The following ATAD3C variants were observed in gnomAD, a reference collection of about 807,000 sequenced individuals.
ATAD3C encodes ATPase family AAA domain containing 3C.
Under a neutral mutation model 46.3 loss-of-function variants are expected in ATAD3C, and 38 were observed. The observed-to-expected ratio is 0.82, with a 90% CI of 0.63 to 1.08. ATAD3C has a LOEUF of 1.08. ATAD3C is among the 50% of genes least tolerant of loss of function. ATAD3C has a pLI of 0.00. For synonymous variants in ATAD3C, 220 were observed against 236.4 expected (o/e 0.93, Z 0.63); for missense variants, 563 against 572.7 (o/e 0.98, Z 0.17).
rs1181536985 is a variant in ATAD3C, at chr1:1,462,028, T to G, written c.981-572T>G. Among the ~76,000 whole-genome samples, 3 of 151,974 alleles carry G rather than the reference T, an allele frequency of 2.0e-5. No homozygotes were observed. The East Asian group carries it at 5.8e-4, about 29-fold the overall frequency. On this transcript the variant is annotated intron_variant, in intron 10 of 11. Transcript: ENST00000378785. The surrounding 1 kb of genome is among the most constrained non-coding windows in gnomAD (Gnocchi z 4.5). Reference sequence around the variant, plus strand: ...AGATGAGCAGAGGCTGCTCTACTTCTTGGCGTCCCCAGGGCCCCGGTTTCT... The same window carrying G: ...AGATGAGCAGAGGCTGCTCTACTTCGTGGCGTCCCCAGGGCCCCGGTTTCT...
In ATAD3C at chr1:1,469,154, C is replaced by G. The variant is rs1381089129; in HGVS notation, c.*624C>G. 6.3e-5 allele frequency: 8 copies of G among 127,860 alleles called. No homozygotes were observed. Among genetic ancestry groups the G allele is most frequent in the African/African-American group, 2.4e-4 (8 of 32,924 alleles). The allele number at this position is 127,860 out of a possible 1,614,324, so 7.9% of individuals were successfully genotyped here. On this transcript the variant is annotated 3_prime_UTR_variant, in exon 12 of 12. Transcript: ENST00000378785. ...AAAAAAAATTAGCCGGCCGTGGTGG[C>G]AAGTGCCTGAAATCCCAGGTACTCA...
chr1:1,460,804 T>C lies in ATAD3C; in HGVS notation c.867T>C (p.Asn289=), dbSNP rs1395017925. ...CCGAGCAGTTCGACTGGGCCATCAA[T>C]GCCTGCATCGACGTGATGGTCCACT... ...CHPEQFDWAI[N]ACIDVMVHFD... is the part of the protein sequence containing the mutation. The change falls in exon 10 of 12, where the codon AAT becomes AAC. Residue 289 remains asparagine, a synonymous_variant. Coordinates refer to ENST00000378785, the MANE Select transcript of ATAD3C (RefSeq NM_001039211.3). 1 of 1,612,678 alleles carries C rather than the reference T, an allele frequency of 6.2e-7. No individual in the cohort carries two copies. Among genetic ancestry groups the C allele is most frequent in the African/African-American group, 1.3e-5 (1 of 74,824 alleles).
rs958347811 is a variant in ATAD3C, at chr1:1,454,604, C to T, written c.378+104C>T. On this transcript the variant is annotated intron_variant, in intron 4 of 11. Transcript: ENST00000378785. ...TATACTCCTGTCCCTTCCCTTTCCC[C>T]GGATAACAGGCACCCGCACGCTGCT... 14 of 1,469,958 alleles carry T rather than the reference C, an allele frequency of 9.5e-6. No individual in the cohort carries two copies. The African/African-American group carries it at 1.2e-4, about 13-fold the overall frequency. 91.1% of individuals were successfully genotyped at this position (1,469,958 alleles called of 1,614,324 possible).
At position 1,460,605 on chromosome 1, in the gene ATAD3C, C is replaced by T. The variant is rs1023253505; in HGVS notation, c.813-145C>T. The T allele has an allele frequency of 2.2e-5, 31 of 1,377,782 alleles. 1 individual carries two copies. Among genetic ancestry groups the T allele is most frequent in the Admixed American group, 1.2e-4 (4 of 32,538 alleles). The allele number at this position is 1,377,782 out of a possible 1,614,324, so 85.3% of individuals were successfully genotyped here. A position where few individuals can be genotyped will look rare whatever the true frequency, so the allele number is the denominator to read the frequency against. ...AGGCGGGTGACCATGGCTGTGGCTG[C>T]GTTCTCCCCATGTTTCCTGTGCTCA... On this transcript the variant is annotated intron_variant, in intron 9 of 11. Transcript: ENST00000378785.
chr1:1,467,373 C>T lies in ATAD3C; in HGVS notation c.1090-1011C>T, dbSNP rs576577589. Reference sequence around the variant, plus strand: ...GTCCTGGGCCCCTGAGCCACAGTGGCGGTCCGGCTCCGGTCAGTGTCTCCT... The same window carrying T: ...GTCCTGGGCCCCTGAGCCACAGTGGTGGTCCGGCTCCGGTCAGTGTCTCCT... On this transcript the variant is annotated intron_variant, in intron 11 of 11. Transcript: ENST00000378785. Among the ~76,000 whole-genome samples, 13 of 152,054 alleles carry T rather than the reference C, an allele frequency of 8.5e-5. No homozygotes were observed. The East Asian group carries it at 1.5e-3, about 18-fold the overall frequency.
chr1:1,455,397 T>C (rs958010176), intron 4 of ATAD3C, 63 bp from the exon 5 acceptor site: 12 of 1,591,012 alleles, frequency 7.5e-6, no homozygotes, highest in Non-Finnish European at 1.0e-5. Context: ...AGCTTGTGTG[T>C]GCGTTGGTGG....
At position 1,468,594 on chromosome 1, in the gene ATAD3C, G is replaced by A. The variant is rs771052457; in HGVS notation, c.*64G>A. The stretch of plus-strand genomic sequence containing the variant: ...GACCCCTCCCACCCCTGCCTTTGCG[G>A]CCCCGCACATTTAGGAAATACTCCC... On this transcript the variant is annotated 3_prime_UTR_variant, in exon 12 of 12. Coordinates refer to ENST00000378785, the MANE Select transcript of ATAD3C (RefSeq NM_001039211.3). The A allele has an allele frequency of 6.3e-7, 1 of 1,585,626 alleles. No individual in the cohort carries two copies. The highest frequency in any genetic ancestry group is 2.3e-5 in the East Asian group (1 of 44,026).
chr1:1,459,242 C>T lies in ATAD3C; in HGVS notation c.812+11C>T. 2 of 1,612,022 alleles carry T rather than the reference C, an allele frequency of 1.2e-6. No individual in the cohort carries two copies. The highest frequency in any genetic ancestry group is 1.7e-6 in the Non-Finnish European group (2 of 1,179,652). On this transcript the variant is annotated intron_variant, in intron 9 of 11. Transcript: ENST00000378785. The surrounding 1 kb of genome is among the most constrained non-coding windows in gnomAD (Gnocchi z 4.9). ...CCAGCACAGCAACAAGTGAGGGAGC[C>T]CCTCGGGTCCTGGGCCCCCGGGCAG...
rs962079049 is a variant in ATAD3C at position 1,469,306 on chromosome 1, G to A, written c.*776G>A. The A allele has an allele frequency of 4.7e-5, 7 of 148,772 alleles. No individual in the cohort carries two copies. The highest frequency in any genetic ancestry group is 9.9e-5 in the African/African-American group (4 of 40,432). The allele number at this position is 148,772 out of a possible 1,614,324, so 9.2% of individuals were successfully genotyped here. On this transcript the variant is annotated 3_prime_UTR_variant, in exon 12 of 12. Coordinates refer to ENST00000378785, the MANE Select transcript of ATAD3C (RefSeq NM_001039211.3). ...CCTCTAAAAAAAAAAAAAAAAAAAGGGCCAGGTGGCACATGCCGGTGGTCC... is the reference window on the plus strand; with the variant it reads ...CCTCTAAAAAAAAAAAAAAAAAAAGAGCCAGGTGGCACATGCCGGTGGTCC...
chr1:1,461,812 C>G (rs911750258), intron 10 of ATAD3C, among the ~76,000 whole-genome samples: 1 of 152,110 alleles, frequency 6.6e-6, no homozygotes, highest in Admixed American at 6.6e-5. Context: ...CTGGCCTGGC[C>G]TCCCTGCAGC....
At chr1:1,457,780 C>T (rs574248770) in intron 8 of ATAD3C, among the ~76,000 whole-genome samples, 1 of 149,216 alleles carries the variant, frequency 6.7e-6, no homozygotes, top group Non-Finnish European at 1.5e-5. Context: ...CCAGTGCAAG[C>T]GATTCTCCTG....
rs1313650831 is a variant in ATAD3C at position 1,462,339 on chromosome 1, T to C, written c.981-261T>C. The C allele has an allele frequency of 9.7e-6, 4 of 411,848 alleles. No individual in the cohort carries two copies. The highest frequency in any genetic ancestry group is 2.2e-5 in the South Asian group (1 of 45,142). 25.5% of individuals were successfully genotyped at this position (411,848 alleles called of 1,614,324 possible). A position where few individuals can be genotyped will look rare whatever the true frequency, so the allele number is the denominator to read the frequency against. ...TCTGCCACTGCCAGTTTAACGGCCA[T>C]GCGCCCTGTGGGTGCTGAGTGGACA... On this transcript the variant is annotated intron_variant, in intron 10 of 11. Transcript: ENST00000378785. This position sits in a 1 kb window ranked among gnomAD's most constrained non-coding sequence, Gnocchi z 4.5.
intron 7 of ATAD3C, among the ~76,000 whole-genome samples, chr1:1,456,702 C>G (rs1017828679): frequency 3.7e-3 from 546 of 146,290 alleles, no homozygotes; most frequent in African/African-American, 0.014. Flanking sequence ...GTTGCCTTTT[C>G]TAGAACCATT....
intron 11 of ATAD3C, among the ~76,000 whole-genome samples, chr1:1,467,261 G>C (rs1304998956): frequency 1.3e-5 from 2 of 152,046 alleles, no homozygotes; most frequent in Admixed American, 6.6e-5. Flanking sequence ...CCCTGGGTGA[G>C]GTGCAGCCAC....
chr1:1,451,823 T>C (rs1445168092), intron 1 of ATAD3C, among the ~76,000 whole-genome samples: 1 of 152,058 alleles, frequency 6.6e-6, no homozygotes, highest in Non-Finnish European at 1.5e-5. Context: ...CAGTGGGGGC[T>C]GTTTCTGCCG....
Position 1,459,690 on chromosome 1 carries a change from G to A in ATAD3C, c.812+459G>A, listed in dbSNP as rs888255463. ...AACCTGGGACCTTGGTCCCCCGCCC[G>A]GATGCTGGCCAAGGGTGCACCCTCC... On this transcript the variant is annotated intron_variant, in intron 9 of 11. Coordinates refer to ENST00000378785, the MANE Select transcript of ATAD3C (RefSeq NM_001039211.3). This position sits in a 1 kb window ranked among gnomAD's most constrained non-coding sequence, Gnocchi z 4.9. Among the ~76,000 whole-genome samples, 5 of 151,866 alleles carry A rather than the reference G, an allele frequency of 3.3e-5. No individual in the cohort carries two copies. Among genetic ancestry groups the A allele is most frequent in the Admixed American group, 6.6e-5 (1 of 15,238 alleles).
intron 11 of ATAD3C, among the ~76,000 whole-genome samples, chr1:1,466,710 A>G (rs2100492355): frequency 6.6e-6 from 1 of 151,994 alleles, no homozygotes; most frequent in East Asian, 1.9e-4. Flanking sequence ...CTTGCATTCC[A>G]GGAATAAATC....
At chr1:1,464,920 C>G (rs1639122900) in intron 11 of ATAD3C, among the ~76,000 whole-genome samples, 1 of 152,062 alleles carries the variant, frequency 6.6e-6, no homozygotes, top group Admixed American at 6.6e-5. Flanking sequence ...GAGTCTCGCT[C>G]TGTCGCCCAG....
At chr1:1,460,703 G>A (rs1322099162) in intron 9 of ATAD3C, 47 bp from the exon 10 acceptor site, 4 of 1,545,532 alleles carry the variant, frequency 2.6e-6, no homozygotes, top group African/African-American at 1.4e-5. Flanking sequence ...CCTGGGGACA[G>A]CTCGGCCGGC....
Sources: allele counts gnomAD v4.1 joint callset (sites outside exome capture counted in the v4.1 genomes callset), GRCh38; gene constraint gnomAD v4.1.1; non-coding constraint Gnocchi (gnomAD v3.1); transcripts MANE v1.5; gene names NCBI Gene and HGNC (gene_info 2026-07-23, HGNC 2026-07-21).